Variants in NETO2 observed in about 807,000 individuals in gnomAD.
The protein encoded by NETO2 is neuropilin and tolloid like 2, also known as neuropilin and tolloid-like protein 2.
A neutral mutation model predicts 62.5 loss-of-function variants in NETO2; 28 were observed. The ratio of observed to expected loss-of-function variants is 0.45; its 90% CI spans 0.33 to 0.61. The LOEUF (loss-of-function observed/expected upper bound fraction) is 0.61. NETO2 is among the 20% of genes least tolerant of loss of function. The probability of loss-of-function intolerance (pLI) is 0.02; values close to 1 mark genes in which losing one functional copy is unlikely to be tolerated. For missense variants in NETO2, 548 were observed against 643.2 expected (o/e 0.85, Z 1.60); for synonymous variants, 214 against 219.1 (o/e 0.98, Z 0.21).
At chr16:47,123,118 AATTT>A (rs745897993) in intron 4 of NETO2, among the ~76,000 whole-genome samples, 5 of 152,214 alleles carry the variant, frequency 3.3e-5, no homozygotes, top group African/African-American at 4.8e-5. Flanking sequence ...CATAGTGAAT[AATTT>A]ATTTATGCTA....
Position 47,128,593 on chromosome 16 carries a change from A to G in NETO2, c.233-20T>C, listed in dbSNP as rs1484700301. On this transcript the variant is annotated intron_variant, in intron 3 of 8. Transcript: ENST00000562435. ...GAGCAGCTAGAAAATAAGAGTAAGC[A>G]AATCAGGACAACACAAACAAGAAAG... is the stretch of plus-strand genomic sequence containing the variant. 1.2e-6 allele frequency: 2 copies of G among 1,603,648 alleles called. No individual in the cohort carries two copies. Among genetic ancestry groups the G allele is most frequent in the Non-Finnish European group, 1.7e-6 (2 of 1,177,718 alleles).
intron 7 of NETO2, among the ~76,000 whole-genome samples, chr16:47,090,820 A>G (rs1242448620): frequency 2.0e-5 from 3 of 152,248 alleles, no homozygotes; most frequent in Non-Finnish European, 4.4e-5. Flanking sequence ...CCTGGGAAGA[A>G]GCCAAATATA....
At chr16:47,129,428 C>A in intron 2 of NETO2, 64 bp from the exon 3 acceptor site, 1 of 1,532,098 alleles carries the variant, frequency 6.5e-7, no homozygotes, top group South Asian at 1.1e-5. Context: ...TCTCTTTCCC[C>A]CACCACTTTC....
intron 7 of NETO2, among the ~76,000 whole-genome samples, chr16:47,097,029 AG>A (rs1963440994): frequency 6.6e-6 from 1 of 152,210 alleles, no homozygotes; most frequent in African/African-American, 2.4e-5. Context: ...CACAACCCGC[AG>A]ACCAGGAGAT....
chr16:47,086,643 A>G (rs1311368037), intron 7 of NETO2, among the ~76,000 whole-genome samples: 2 of 152,182 alleles, frequency 1.3e-5, no homozygotes, highest in Non-Finnish European at 2.9e-5. Flanking sequence ...TTGAAAGACA[A>G]TGTTGGCAAG....
intron 1 of NETO2, among the ~76,000 whole-genome samples, chr16:47,141,893 G>A (rs995081964): frequency 1.3e-5 from 2 of 152,206 alleles, no homozygotes; most frequent in East Asian, 3.9e-4. Flanking sequence ...GAAAGGCAAA[G>A]GCAGAAACGC....
chr16:47,115,293 T>C (rs932913768), intron 6 of NETO2, among the ~76,000 whole-genome samples: 2 of 152,276 alleles, frequency 1.3e-5, no homozygotes, highest in East Asian at 1.9e-4. Flanking sequence ...TTGATTGAAA[T>C]TGTATTCATC....
At chr16:47,083,827 A>T in intron 8 of NETO2, 26 bp from the exon 9 acceptor site, 1 of 1,508,614 alleles carries the variant, frequency 6.6e-7, no homozygotes, top group Non-Finnish European at 9.0e-7. Context: ...GAGAAACGTT[A>T]AGTTTTCAAA....
chr16:47,086,052 G>T (rs932621970), intron 8 of NETO2, among the ~76,000 whole-genome samples, 174 bp downstream of exon 8: 9 of 152,176 alleles, frequency 5.9e-5, no homozygotes, highest in Admixed American at 5.9e-4. Flanking sequence ...CTTGCAGTGA[G>T]CCGAGATTGT....
At position 47,143,790 on chromosome 16, in the gene NETO2, G is replaced by A. The variant is rs1596759934; in HGVS notation, c.-178C>T. The A allele has an allele frequency of 1.2e-6, 1 of 855,956 alleles. No homozygotes were observed. Among genetic ancestry groups the A allele is most frequent in the East Asian group, 3.8e-5 (1 of 26,014 alleles). 53.0% of individuals were successfully genotyped at this position (855,956 alleles called of 1,614,324 possible). On this transcript the variant is annotated 5_prime_UTR_variant, in exon 1 of 9. Transcript: ENST00000562435. ...CGGCCCGCCATGCCCGAGCCCCACA[G>A]TGGGCTCCCGCGCGGCCCGAGCACC...
chr16:47,104,019 G>C (rs1487319022), intron 7 of NETO2, among the ~76,000 whole-genome samples: 1 of 152,148 alleles, frequency 6.6e-6, no homozygotes, highest in Admixed American at 6.6e-5. Flanking sequence ...GTTCTGGTTA[G>C]AGCAATTAGG....
chr16:47,124,408 A>G (rs1213195216), intron 4 of NETO2, among the ~76,000 whole-genome samples: 4 of 152,152 alleles, frequency 2.6e-5, no homozygotes, highest in Non-Finnish European at 5.9e-5. Context: ...ACAACCCATT[A>G]AGAGCCTCTC....
At chr16:47,132,088 A>C in intron 1 of NETO2, 63 bp from the exon 2 acceptor site, 1 of 1,223,440 alleles carries the variant, frequency 8.2e-7, no homozygotes, top group Non-Finnish European at 1.2e-6. Context: ...TACTAAGTCA[A>C]TAAATAAAAT....
chr16:47,091,265 C>T (rs1293973580), intron 7 of NETO2, among the ~76,000 whole-genome samples: 2 of 152,158 alleles, frequency 1.3e-5, no homozygotes, highest in Non-Finnish European at 2.9e-5. Flanking sequence ...ACAATTTAAA[C>T]TTATTCTTAC....
chr16:47,083,123 T>C lies in NETO2; in HGVS notation c.*98A>G. The C allele has an allele frequency of 9.5e-7, 1 of 1,057,948 alleles. No individual in the cohort carries two copies. Among genetic ancestry groups the C allele is most frequent in the Non-Finnish European group, 1.4e-6 (1 of 718,706 alleles). 65.5% of individuals were successfully genotyped at this position (1,057,948 alleles called of 1,614,324 possible). On this transcript the variant is annotated 3_prime_UTR_variant, in exon 9 of 9. Coordinates refer to ENST00000562435, the MANE Select transcript of NETO2 (RefSeq NM_018092.5). ...AACGGTAAATCAAGGTCTTCGTAGT[T>C]GTGATGGGAGAAAAGGGTTGGCTGC...
intron 8 of NETO2, among the ~76,000 whole-genome samples, chr16:47,085,165 T>C (rs937502979): frequency 6.6e-6 from 1 of 152,164 alleles, no homozygotes; most frequent in Admixed American, 6.5e-5. Context: ...GAATACAGCA[T>C]AGGAAATGTT....
chr16:47,131,392 G>C (rs1219371290), intron 2 of NETO2, among the ~76,000 whole-genome samples: 1 of 152,210 alleles, frequency 6.6e-6, no homozygotes, highest in Non-Finnish European at 1.5e-5. Flanking sequence ...TTTCCATGGA[G>C]CAGGAAGTTA....
chr16:47,126,733 C>T (rs1964165492), intron 4 of NETO2, among the ~76,000 whole-genome samples: 1 of 152,188 alleles, frequency 6.6e-6, no homozygotes, highest in South Asian at 2.1e-4. Flanking sequence ...GGTAACTCTA[C>T]TTCCTGTGTA....
intron 6 of NETO2, among the ~76,000 whole-genome samples, chr16:47,120,034 T>C (rs1381845772): frequency 6.6e-6 from 1 of 152,236 alleles, no homozygotes; most frequent in Non-Finnish European, 1.5e-5. Flanking sequence ...TATTAACTTT[T>C]TGTATGCTTG....
Sources: allele counts gnomAD v4.1 joint callset (sites outside exome capture counted in the v4.1 genomes callset), GRCh38; gene constraint gnomAD v4.1.1; transcripts MANE v1.5; gene names NCBI Gene and HGNC (gene_info 2026-07-23, HGNC 2026-07-21).